The following PGS1 variants were observed in gnomAD, a reference collection of about 807,000 sequenced individuals.
PGS1 encodes the protein phosphatidylglycerophosphate synthase 1.
PGS1 carries 44 observed loss-of-function variants against 58.3 expected under a neutral mutation model. The observed-to-expected ratio is 0.75, with a 90% CI of 0.59 to 0.97. PGS1 has a LOEUF of 0.97. PGS1 is among the 50% of genes least tolerant of loss of function. The pLI, the probability that PGS1 is intolerant of heterozygous loss-of-function variation, is 0.00. For synonymous variants in PGS1, 330 were observed against 311.0 expected, an observed-to-expected ratio of 1.06 and a Z score of -0.64; for missense variants, 684 against 731.1, an observed-to-expected ratio of 0.94 and a Z score of 0.74.
chr17:78,395,936 C>T (rs529974396), intron 2 of PGS1, among the ~76,000 whole-genome samples: 8 of 152,350 alleles, frequency 5.3e-5, no homozygotes, highest in African/African-American at 7.2e-5. Flanking sequence ...GACAGGGTTT[C>T]GCCATGTTGG....
rs567973430 is a variant in PGS1 at position 78,396,168 on chromosome 17, G to C, written c.334-140G>C. 36 of 674,900 alleles carry C rather than the reference G, an allele frequency of 5.3e-5. No individual in the cohort carries two copies. In the African/African-American group the frequency reaches 6.4e-4, roughly 12 times the overall value. The allele number at this position is 674,900 out of a possible 1,614,324, so 41.8% of individuals were successfully genotyped here. A position where few individuals can be genotyped will look rare whatever the true frequency, so the allele number is the denominator to read the frequency against. On this transcript the variant is annotated intron_variant, in intron 2 of 9. Coordinates refer to ENST00000262764, the MANE Select transcript of PGS1 (RefSeq NM_024419.5). ...TGGGAGGTTACCATACACGTTTCGA[G>C]CTTGCTTTAAATATTAATTGGTGAA...
At chr17:78,402,877 T>TA (rs1220633385) in intron 6 of PGS1, among the ~76,000 whole-genome samples, 27 of 152,314 alleles carry the variant, frequency 1.8e-4, no homozygotes, top group African/African-American at 6.5e-4. Flanking sequence ...TGTCTGATAA[T>TA]AGCATCTTTC....
intron 5 of PGS1, chr17:78,399,795 C>T (rs531401720): frequency 2.2e-5 from 12 of 536,188 alleles, no homozygotes; most frequent in African/African-American, 1.9e-4. Context: ...TTTCCACCCT[C>T]AGTGACCCTC....
In PGS1 at chr17:78,378,670, C is replaced by G. The variant is rs1025214235; in HGVS notation, c.5C>G (p.Ala2Gly). 10 of 1,533,212 alleles carry G rather than the reference C, an allele frequency of 6.5e-6. No homozygotes were observed. In the African/African-American group the frequency reaches 7.1e-5, roughly 11 times the overall value. 95.0% of individuals were successfully genotyped at this position (1,533,212 alleles called of 1,614,324 possible). Residue 2 changes from alanine to glycine, a missense_variant, in exon 1 of 10, where the codon GCG becomes GGG. Transcript: ENST00000262764. ...AAGCGGAAGCGGCGAGTCTCCATGG[C>G]GGTGGCGGCGGCAGCTGCGGCGGGA... Reference protein sequence around the residue: MAVAAAAAAGPV... With the variant: MGVAAAAAAGPV...
At chr17:78,380,558 T>C (rs2081968228) in intron 1 of PGS1, among the ~76,000 whole-genome samples, 1 of 152,236 alleles carries the variant, frequency 6.6e-6, no homozygotes, top group Non-Finnish European at 1.5e-5. Flanking sequence ...TTTCATTTTT[T>C]CAGTGTTTAA....
At chr17:78,422,079 C>CTTA (rs1287104710) in intron 9 of PGS1, among the ~76,000 whole-genome samples, 5 of 152,328 alleles carry the variant, frequency 3.3e-5, no homozygotes, top group Admixed American at 2.0e-4. Context: ...AGATTACTTT[C>CTTA]TTATTTCAGG....
intron 8 of PGS1, among the ~76,000 whole-genome samples, chr17:78,416,300 C>G (rs529438966): frequency 1.6e-4 from 24 of 152,328 alleles, no homozygotes; most frequent in African/African-American, 5.5e-4. Context: ...GGCCTTGGAG[C>G]CAGGCTAGTG....
chr17:78,422,492 T>C (rs1024210215), intron 9 of PGS1, among the ~76,000 whole-genome samples: 1 of 151,968 alleles, frequency 6.6e-6, no homozygotes, highest in African/African-American at 2.4e-5. Context: ...TCCTAATGGG[T>C]GTGTTTGCCT....
At position 78,400,964 on chromosome 17, in the gene PGS1, C is replaced by A. The variant is rs1445954422; in HGVS notation, c.880+109C>A. On this transcript the variant is annotated intron_variant, in intron 6 of 9. Transcript: ENST00000262764. This position sits in a 1 kb window ranked among gnomAD's most constrained non-coding sequence, Gnocchi z 4.4. The stretch of plus-strand genomic sequence containing the variant: ...CCACAGGCATAGGGGACTTGGGTGG[C>A]AAGGCTTCATTCTGCTTTTGTCCTT... 5.4e-6 allele frequency: 5 copies of A among 917,696 alleles called. No individual in the cohort carries two copies. The highest frequency in any genetic ancestry group is 5.8e-4 in the Middle Eastern group (2 of 3,450). The allele number at this position is 917,696 out of a possible 1,614,324, so 56.8% of individuals were successfully genotyped here.
chr17:78,397,780 G>C (rs988764880), intron 3 of PGS1, among the ~76,000 whole-genome samples: 7 of 152,220 alleles, frequency 4.6e-5, no homozygotes, highest in Non-Finnish European at 8.8e-5. Flanking sequence ...AAGCCTGGAA[G>C]CCTGTGTGTT....
intron 9 of PGS1, chr17:78,420,987 C>T (rs999357947): frequency 1.3e-5 from 2 of 152,188 alleles, no homozygotes; most frequent in East Asian, 1.9e-4. Flanking sequence ...TTCACAATTC[C>T]ACTTGCCTTA....
chr17:78,389,337 G>A (rs139310469), intron 1 of PGS1, among the ~76,000 whole-genome samples: 3,900 of 151,568 alleles, frequency 0.026, 147 homozygotes, highest in African/African-American at 0.089. Flanking sequence ...AGGTGTGTGC[G>A]CCACCATGCC....
intron 9 of PGS1, chr17:78,419,997 C>G (rs1162598497): frequency 1.2e-5 from 14 of 1,159,082 alleles, no homozygotes; most frequent in African/African-American, 3.2e-5. Flanking sequence ...GGCAAGGGCT[C>G]AGGGATGAGG....
intron 7 of PGS1, among the ~76,000 whole-genome samples, chr17:78,410,694 G>A (rs1312581533): frequency 5.3e-5 from 8 of 151,950 alleles, no homozygotes; most frequent in South Asian, 2.1e-4. Context: ...GGCTGGTTTT[G>A]AACTCCTGAC....
chr17:78,423,709 C>G (rs1298403913), intron 9 of PGS1: 4 of 652,276 alleles, frequency 6.1e-6, no homozygotes, highest in Non-Finnish European at 1.0e-5. Flanking sequence ...AGTGGCTCCA[C>G]TGGCTTTAAT....
intron 2 of PGS1, among the ~76,000 whole-genome samples, chr17:78,393,532 A>C (rs1376175739): frequency 6.6e-6 from 1 of 152,154 alleles, no homozygotes; most frequent in East Asian, 1.9e-4. Context: ...ATGGACCCCT[A>C]ACCCGGGAAT....
intron 7 of PGS1, among the ~76,000 whole-genome samples, chr17:78,410,322 A>G (rs1375745187): frequency 6.5e-5 from 6 of 92,212 alleles, no homozygotes; most frequent in Non-Finnish European, 1.1e-4. Context: ...TCAGCTACTC[A>G]GGAGGCTGAG....
In PGS1 at chr17:78,403,650, G is replaced by T. The variant is rs777173032; in HGVS notation, c.963G>T (p.Leu321=). 9 of 1,614,080 alleles carry T rather than the reference G, an allele frequency of 5.6e-6. No homozygotes were observed. In the East Asian group the frequency reaches 2.0e-4, roughly 36 times the overall value. ...INSARTRQQM[L]HAQTFHSNSL... ...CAGCCAGGACCCGCCAGCAGATGCT[G>T]CATGCCCAGACCTTCCACAGCAACT... Residue 321 remains leucine, a synonymous_variant, in exon 7 of 10, where the codon CTG becomes CTT. Coordinates refer to ENST00000262764, the MANE Select transcript of PGS1 (RefSeq NM_024419.5).
intron 7 of PGS1, among the ~76,000 whole-genome samples, chr17:78,413,050 G>C (rs974254780): frequency 6.6e-6 from 1 of 152,230 alleles, no homozygotes; most frequent in African/African-American, 2.4e-5. Context: ...CCAGGGGAAG[G>C]GGGCAGCCTG....
Sources: allele counts gnomAD v4.1 joint callset (sites outside exome capture counted in the v4.1 genomes callset), GRCh38; gene constraint gnomAD v4.1.1; non-coding constraint Gnocchi (gnomAD v3.1); transcripts MANE v1.5; gene names NCBI Gene and HGNC (gene_info 2026-07-23, HGNC 2026-07-21).